Variants in CGNL1 observed in about 807,000 individuals in gnomAD.
CGNL1 encodes cingulin-like protein 1.
A neutral mutation model predicts 141.2 loss-of-function variants in CGNL1; 132 were observed. The ratio of observed to expected loss-of-function variants is 0.93; its 90% CI spans 0.81 to 1.08. The LOEUF (loss-of-function observed/expected upper bound fraction) is 1.08, where lower values mean the gene tolerates loss of function less well. Among genes scored for constraint, CGNL1 ranks in the 50% least tolerant of loss-of-function variants. CGNL1 has a pLI of 0.00. For missense variants in CGNL1, 1,870 were observed against 1,588.6 expected, an observed-to-expected ratio of 1.18 and a Z score of -3.01; for synonymous variants, 690 against 622.1, an observed-to-expected ratio of 1.11 and a Z score of -1.63.
chr15:57,498,310 C>T (rs61549591), intron 8 of CGNL1, among the ~76,000 whole-genome samples: 1,540 of 128,224 alleles, frequency 0.012, 34 homozygotes, highest in African/African-American at 0.042. Context: ...AGTGCAGTAG[C>T]TTGATCATGG....
intron 8 of CGNL1, among the ~76,000 whole-genome samples, chr15:57,488,718 A>T (rs1304789615): frequency 6.6e-6 from 1 of 152,224 alleles, no homozygotes; most frequent in Non-Finnish European, 1.5e-5. Flanking sequence ...TTGTGCCAAG[A>T]GTGGGTAACA....
At chr15:57,450,368 G>A (rs1261035525) in intron 4 of CGNL1, among the ~76,000 whole-genome samples, 1 of 152,112 alleles carries the variant, frequency 6.6e-6, no homozygotes, top group Non-Finnish European at 1.5e-5. Flanking sequence ...CCTCCACTTC[G>A]TGGGTTCAAG....
At chr15:57,472,245 G>T (rs1174355868) in intron 8 of CGNL1, among the ~76,000 whole-genome samples, 1 of 152,030 alleles carries the variant, frequency 6.6e-6, no homozygotes, top group Non-Finnish European at 1.5e-5. Flanking sequence ...GAAATAGCAT[G>T]TGCAAGGGGG....
chr15:57,421,433 C>T (rs768691869), intron 1 of CGNL1, among the ~76,000 whole-genome samples: 1 of 152,008 alleles, frequency 6.6e-6, no homozygotes, highest in Non-Finnish European at 1.5e-5. Flanking sequence ...AACCCTCTTT[C>T]CTCCTGGCTT....
intron 2 of CGNL1, among the ~76,000 whole-genome samples, 176 bp downstream of exon 2, chr15:57,439,777 A>G (rs1280397): frequency 0.042 from 6,404 of 152,174 alleles, 289 homozygotes; most frequent in East Asian, 0.13. Flanking sequence ...CCTACTGCCA[A>G]TTGTATAGTT....
chr15:57,397,983 A>T (rs1467178705), intron 1 of CGNL1, among the ~76,000 whole-genome samples: 1 of 151,978 alleles, frequency 6.6e-6, no homozygotes, highest in Non-Finnish European at 1.5e-5. Context: ...GGGTTTCTTC[A>T]TGTTGGTCAG....
chr15:57,544,354 T>C (rs1908189), intron 15 of CGNL1, 119 bp from the exon 16 acceptor site: 309,017 of 1,269,836 alleles, frequency 0.24, 39,599 homozygotes, highest in African/African-American at 0.42. Flanking sequence ...GGCCCTGGTG[T>C]GGAAAGCAGC....
chr15:57,430,106 G>C lies in CGNL1; in HGVS notation c.-15-7879G>C, dbSNP rs550376901. On this transcript the variant is annotated intron_variant, in intron 1 of 18. Transcript: ENST00000281282. ...GGTGACTGGCGTGAGCCACTGCCCG[G>C]CTGATCTTCGTCATTTCATTTAGCA... Among the ~76,000 whole-genome samples the C allele has an allele frequency of 3.9e-5, 6 of 152,270 alleles. No individual in the cohort carries two copies. In the East Asian group the frequency reaches 1.2e-3, roughly 29 times the overall value.
chr15:57,491,783 G>A (rs1193090897), intron 8 of CGNL1, among the ~76,000 whole-genome samples: 1 of 152,192 alleles, frequency 6.6e-6, no homozygotes, highest in African/African-American at 2.4e-5. Flanking sequence ...GTTTTGCAAT[G>A]AGAATGTGTC....
intron 8 of CGNL1, among the ~76,000 whole-genome samples, chr15:57,485,330 C>G (rs759660387): frequency 6.6e-5 from 10 of 152,036 alleles, no homozygotes; most frequent in Non-Finnish European, 1.3e-4. Flanking sequence ...TATGGTTTAT[C>G]TTGGTATATA....
At chr15:57,460,729 A>G (rs1240887825) in intron 7 of CGNL1, among the ~76,000 whole-genome samples, 1 of 152,194 alleles carries the variant, frequency 6.6e-6, no homozygotes, top group Non-Finnish European at 1.5e-5. Context: ...ACGTGATCCA[A>G]TCATCTCCCA....
rs1346585584 is a variant in CGNL1 at position 57,548,596 on chromosome 15, G to C, written c.*1106G>C. The stretch of plus-strand genomic sequence containing the variant: ...GGAATTCTGTTATAATTTCTGAACT[G>C]TTCTGAGACCTGTTCCCAGTCACTG... On this transcript the variant is annotated 3_prime_UTR_variant, in exon 19 of 19. Transcript: ENST00000281282. 2 of 152,202 alleles carry C rather than the reference G, an allele frequency of 1.3e-5. No homozygotes were observed. The highest frequency in any genetic ancestry group is 4.8e-5 in the African/African-American group (2 of 41,424). The allele number at this position is 152,202 out of a possible 1,614,324, so 9.4% of individuals were successfully genotyped here.
intron 8 of CGNL1, among the ~76,000 whole-genome samples, chr15:57,506,290 C>T (rs775901229): frequency 5.3e-5 from 8 of 152,192 alleles, no homozygotes; most frequent in Non-Finnish European, 8.8e-5. Flanking sequence ...TGAAGGCGAA[C>T]GGCACTGCAG....
chr15:57,393,338 A>G (rs1209869364), intron 1 of CGNL1, among the ~76,000 whole-genome samples: 1 of 152,222 alleles, frequency 6.6e-6, no homozygotes, highest in African/African-American at 2.4e-5. Flanking sequence ...GAACAAAATG[A>G]AAAGCTTTCA....
chr15:57,499,269 G>A (rs1442118491), intron 8 of CGNL1, among the ~76,000 whole-genome samples: 7 of 137,536 alleles, frequency 5.1e-5, no homozygotes, highest in African/African-American at 1.7e-4. Context: ...TTTTGGAGAC[G>A]GAGTCTCACT....
At chr15:57,384,313 G>A (rs1363812743) in intron 1 of CGNL1, among the ~76,000 whole-genome samples, 2 of 152,124 alleles carry the variant, frequency 1.3e-5, no homozygotes, top group African/African-American at 4.8e-5. Flanking sequence ...AATAGCAAAT[G>A]CTCCCATAGC....
intron 14 of CGNL1, among the ~76,000 whole-genome samples, chr15:57,536,213 A>G (rs2032250397): frequency 6.6e-6 from 1 of 152,168 alleles, no homozygotes; most frequent in African/African-American, 2.4e-5. Flanking sequence ...AGAACAGCAC[A>G]GGAAAAACCT....
intron 14 of CGNL1, among the ~76,000 whole-genome samples, chr15:57,540,214 G>T (rs1308757948): frequency 1.3e-5 from 2 of 152,128 alleles, no homozygotes; most frequent in African/African-American, 2.4e-5. Flanking sequence ...CCTGCCCATT[G>T]TATTAGCCTG....
In CGNL1 at chr15:57,439,188, C is replaced by T. The variant is rs746199272; in HGVS notation, c.1189C>T (p.Leu397Phe). Reference protein sequence around the residue: ...RSVDSAFPFGLQGNSEYLIEF... With the variant: ...RSVDSAFPFGFQGNSEYLIEF... ...CGTGGATAGCGCCTTTCCTTTTGGC[C>T]TCCAAGGGAACTCGGAGTACCTGAT... Residue 397 changes from leucine (L) to phenylalanine (F), a missense_variant, in exon 2 of 19, where the codon CTC becomes TTC. Transcript: ENST00000281282. 2.2e-5 allele frequency: 36 copies of T among 1,614,174 alleles called. No individual in the cohort carries two copies. The highest frequency in any genetic ancestry group is 3.0e-5 in the Non-Finnish European group (35 of 1,180,032).
Sources: gnomAD v4.1 joint callset for allele counts (sites outside exome capture counted in the v4.1 genomes callset) on GRCh38, gnomAD v4.1.1 for gene constraint, MANE v1.5 for transcripts, NCBI Gene and HGNC (gene_info 2026-07-23, HGNC 2026-07-21) for gene names.